The following LPAR1 variants were observed in gnomAD, a reference collection of about 807,000 sequenced individuals.
LPAR1 encodes the protein lysophosphatidic acid receptor 1.
A neutral mutation model predicts 23.8 loss-of-function variants in LPAR1; 5 were observed. That is an observed-to-expected ratio of 0.21 (90% CI 0.11 to 0.44). LPAR1 has a LOEUF of 0.44. LPAR1 is among the 20% of genes least tolerant of loss of function. The pLI is 0.99. For missense variants in LPAR1, 311 were observed against 482.8 expected (o/e 0.64, Z 3.33); for synonymous variants, 160 against 164.7 (o/e 0.97, Z 0.22).
At chr9:111,011,177 A>C (rs1048989961) in intron 2 of LPAR1, among the ~76,000 whole-genome samples, 9 of 147,506 alleles carry the variant, frequency 6.1e-5, no homozygotes, top group Admixed American at 6.0e-4. Flanking sequence ...TAATCAATTG[A>C]CTGATTATAG....
chr9:111,023,684 C>T (rs900919583), intron 2 of LPAR1, among the ~76,000 whole-genome samples: 1 of 152,090 alleles, frequency 6.6e-6, no homozygotes, highest in Non-Finnish European at 1.5e-5. Context: ...TTAGACAGCA[C>T]AGCAACAGAC....
intron 5 of LPAR1, among the ~76,000 whole-genome samples, chr9:110,916,785 A>G (rs573862567): frequency 1.3e-5 from 2 of 152,182 alleles, no homozygotes; most frequent in Non-Finnish European, 2.9e-5. Flanking sequence ...ACTAGAAATT[A>G]TAAAAAAGGT....
chr9:111,031,001 T>C (rs750687598), intron 2 of LPAR1, among the ~76,000 whole-genome samples: 4 of 152,174 alleles, frequency 2.6e-5, no homozygotes, highest in Non-Finnish European at 4.4e-5. Context: ...TTTTGTAGGT[T>C]TGTATAAGTA....
At chr9:110,975,897 A>C (rs2096544001) in intron 2 of LPAR1, among the ~76,000 whole-genome samples, 1 of 152,242 alleles carries the variant, frequency 6.6e-6, no homozygotes, top group African/African-American at 2.4e-5. Flanking sequence ...AGAACGCTTT[A>C]TAAAATAGTG....
chr9:110,987,159 A>G (rs2096799598), intron 2 of LPAR1, among the ~76,000 whole-genome samples: 1 of 152,090 alleles, frequency 6.6e-6, no homozygotes, highest in African/African-American at 2.4e-5. Flanking sequence ...AATTTGCTAC[A>G]AGGATGCTTA....
Position 111,034,189 on chromosome 9 carries a change from C to G in LPAR1, c.-182+1933G>C, listed in dbSNP as rs148096998. Among the ~76,000 whole-genome samples, 21 of 152,322 alleles carry G rather than the reference C, an allele frequency of 1.4e-4. No homozygotes were observed. The East Asian group carries it at 4.1e-3, about 29-fold the overall frequency. On this transcript the variant is annotated intron_variant, in intron 2 of 5. Transcript: ENST00000683809. ...GTACCGAGTGTGCTACTTGGCTTCC[C>G]TCTCTCCTTCCATCTACTGCCTTGC... is the stretch of plus-strand genomic sequence containing the variant.
chr9:110,924,658 C>G (rs528614483), intron 5 of LPAR1, among the ~76,000 whole-genome samples: 34 of 151,050 alleles, frequency 2.3e-4, no homozygotes, highest in Non-Finnish European at 4.3e-4. Flanking sequence ...CATAGCAATA[C>G]ACTATCTCTT....
At chr9:110,975,972 C>T (rs2096545374) in intron 2 of LPAR1, among the ~76,000 whole-genome samples, 1 of 152,136 alleles carries the variant, frequency 6.6e-6, no homozygotes, top group Non-Finnish European at 1.5e-5. Context: ...TCAGTTTTCC[C>T]TTGGGAGTGA....
intron 2 of LPAR1, among the ~76,000 whole-genome samples, chr9:111,007,900 G>A (rs559658591): frequency 3.3e-5 from 5 of 152,222 alleles, no homozygotes; most frequent in Admixed American, 6.5e-5. Flanking sequence ...GATGCCGAGC[G>A]CGGTGGCTCA....
chr9:111,004,838 G>A (rs1425950732), intron 2 of LPAR1, among the ~76,000 whole-genome samples: 1 of 152,130 alleles, frequency 6.6e-6, no homozygotes, highest in Non-Finnish European at 1.5e-5. Context: ...ATTCCAGAAT[G>A]TAGTCCAACA....
chr9:111,036,889 T>C (rs544879091), intron 1 of LPAR1, among the ~76,000 whole-genome samples: 94 of 152,326 alleles, frequency 6.2e-4, no homozygotes, highest in African/African-American at 2.1e-3. Context: ...TACTGGGATA[T>C]GGAAATCAAG....
chr9:110,991,997 G>GT (rs34666038), intron 2 of LPAR1, among the ~76,000 whole-genome samples: 93,491 of 148,958 alleles, frequency 0.63, 29,339 homozygotes, highest in Admixed American at 0.68. Flanking sequence ...TTAAAAGCTT[G>GT]TTTTTTTTTT....
chr9:110,957,918 G>C (rs776234830), intron 4 of LPAR1, among the ~76,000 whole-genome samples: 29 of 152,044 alleles, frequency 1.9e-4, no homozygotes, highest in Non-Finnish European at 3.4e-4. Flanking sequence ...AAAATCAATA[G>C]TGTTTTTACA....
intron 2 of LPAR1, among the ~76,000 whole-genome samples, chr9:111,004,403 T>G (rs1056324939): frequency 6.6e-6 from 1 of 152,098 alleles, no homozygotes; most frequent in Non-Finnish European, 1.5e-5. Flanking sequence ...TACCCCATCC[T>G]CCCTTTTCAA....
chr9:110,936,351 C>T (rs1312511828), intron 5 of LPAR1, among the ~76,000 whole-genome samples: 1 of 152,186 alleles, frequency 6.6e-6, no homozygotes, highest in Non-Finnish European at 1.5e-5. Flanking sequence ...TGGTCTTAAA[C>T]TTATCTGACT....
At position 110,941,554 on chromosome 9, in the gene LPAR1, T is replaced by C. The variant is rs1356041894; in HGVS notation, c.660A>G (p.Val220=). ...AGATGTGAGCATAGAGAACCACCAT[T>C]ACCACAAAGGTCACCAAGTTGAAAA... is the stretch of plus-strand genomic sequence containing the variant. ...WAIFNLVTFV[V]MVVLYAHIFG... is the part of the protein sequence containing the mutation. The change falls in exon 5 of 6, where the codon GTA becomes GTG. Residue 220 remains valine, a synonymous_variant. Transcript: ENST00000683809. This position sits in a 1 kb window ranked among gnomAD's most constrained non-coding sequence, Gnocchi z 6.1. 3 of 1,614,126 alleles carry C rather than the reference T, an allele frequency of 1.9e-6. No homozygotes were observed. The highest frequency in any genetic ancestry group is 2.5e-6 in the Non-Finnish European group (3 of 1,180,000).
intron 2 of LPAR1, among the ~76,000 whole-genome samples, chr9:111,011,798 T>C (rs568585324): frequency 4.7e-4 from 72 of 152,294 alleles, no homozygotes; most frequent in African/African-American, 1.6e-3. Context: ...GAGCACATTA[T>C]AATGAAAACA....
intron 5 of LPAR1, among the ~76,000 whole-genome samples, chr9:110,936,899 C>T (rs932054629): frequency 1.6e-4 from 24 of 152,110 alleles, no homozygotes; most frequent in African/African-American, 5.8e-4. Context: ...TCAAGACATG[C>T]CATGGTCAAA....
chr9:110,946,816 T>C (rs1285236734), intron 4 of LPAR1, among the ~76,000 whole-genome samples: 1 of 152,162 alleles, frequency 6.6e-6, no homozygotes, highest in Non-Finnish European at 1.5e-5. Context: ...AAAGAAGCTA[T>C]ACCTATTAAT....
Sources: allele counts gnomAD v4.1 joint callset (sites outside exome capture counted in the v4.1 genomes callset), GRCh38; gene constraint gnomAD v4.1.1; non-coding constraint Gnocchi (gnomAD v3.1); transcripts MANE v1.5; gene names NCBI Gene and HGNC (gene_info 2026-07-23, HGNC 2026-07-21).